The following CCDC14 variants were observed in gnomAD, a reference collection of about 807,000 sequenced individuals.
CCDC14 encodes the protein coiled-coil domain containing 14.
A neutral mutation model predicts 81.4 loss-of-function variants in CCDC14; 71 were observed. The ratio of observed to expected loss-of-function variants is 0.87; its 90% CI spans 0.72 to 1.06. The LOEUF is 1.06. Among genes scored for constraint, CCDC14 ranks in the 50% least tolerant of loss-of-function variants. The pLI is 0.00. For synonymous variants in CCDC14, 332 were observed against 364.8 expected, an observed-to-expected ratio of 0.91 and a Z score of 1.03; for missense variants, 1,046 against 1,047.3, an observed-to-expected ratio of 1.00 and a Z score of 0.02.
At chr3:123,887,467 A>G in the CCDC14 span, among the ~76,000 whole-genome samples, 2 of 61,842 alleles carry the variant, frequency 3.2e-5, no homozygotes, top group Non-Finnish European at 5.6e-5. Flanking sequence ...CTGGGTTGCT[A>G]TAACAACAAC....
At position 123,928,993 on chromosome 3, in the gene CCDC14, T is replaced by C. The variant is rs138197943; in HGVS notation, c.1778+2109A>G. On this transcript the variant is annotated intron_variant, in intron 12 of 12. Coordinates refer to ENST00000409697, the MANE Select transcript of CCDC14 (RefSeq NM_001366335.1). ...AACTTTGAAAAAAATCAAAGTACTT[T>C]ATAAATAAAAGATATCAGCTTGTGA... Among the ~76,000 whole-genome samples, 812 of 152,300 alleles carry C rather than the reference T, an allele frequency of 5.3e-3. 5 individuals are homozygous for C. Among genetic ancestry groups the C allele is most frequent in the African/African-American group, 0.019 (777 of 41,568 alleles).
At chr3:123,953,699 A>T (rs1290854893) in intron 5 of CCDC14, 1 of 152,164 alleles carries the variant, frequency 6.6e-6, no homozygotes, top group African/African-American at 2.4e-5. Flanking sequence ...ATATACACTT[A>T]TTCCTGCTCC....
intron 8 of CCDC14, 30 bp from the exon 9 acceptor site, chr3:123,945,020 C>T (rs1481346437): frequency 6.7e-7 from 1 of 1,501,956 alleles, no homozygotes; most frequent in Non-Finnish European, 9.1e-7. Flanking sequence ...TGAGTAAAAT[C>T]AATATTATAT....
downstream of CCDC14, among the ~76,000 whole-genome samples, chr3:123,896,624 G>A (rs1041429599): frequency 1.3e-5 from 2 of 152,104 alleles, no homozygotes; most frequent in African/African-American, 4.8e-5. Flanking sequence ...TAGTAGAATG[G>A]TAGCTACTAG....
Position 123,915,643 on chromosome 3 carries a change from G to C in CCDC14, c.1854C>G (p.Asn618Lys), listed in dbSNP as rs751977146. The change falls in exon 13 of 13, where the codon AAC becomes AAG. Residue 618 changes from asparagine (N) to lysine (K), a missense_variant. By Grantham distance (94) the Asn-to-Lys change is moderately conservative. Coordinates refer to ENST00000409697, the MANE Select transcript of CCDC14 (RefSeq NM_001366335.1). ...VDSARCKPGN[N>K]LTKSLLNIHD... is the part of the protein sequence containing the mutation. ...GAATGTTCAAGAGTGATTTGGTAAG[G>C]TTATTCCCAGGCTTGCAGCGAGCAC... 5 of 1,613,880 alleles carry C rather than the reference G, an allele frequency of 3.1e-6. No homozygotes were observed. The highest frequency in any genetic ancestry group is 4.2e-6 in the Non-Finnish European group (5 of 1,179,886).
intron 9 of CCDC14, among the ~76,000 whole-genome samples, chr3:123,942,394 A>G (rs1407130214): frequency 6.6e-6 from 1 of 152,060 alleles, no homozygotes; most frequent in East Asian, 1.9e-4. Context: ...TTAAAAATTT[A>G]TGCTGGTAAT....
At chr3:123,930,897 G>T in intron 12 of CCDC14, 1 of 504,750 alleles carries the variant, frequency 2.0e-6, no homozygotes, top group Non-Finnish European at 3.4e-6. Context: ...GAATCACATG[G>T]TTTTAAAAAA....
chr3:123,949,175 A>G (rs1309838484), intron 5 of CCDC14, 43 bp from the exon 6 acceptor site: 1 of 1,254,570 alleles, frequency 8.0e-7, no homozygotes, highest in East Asian at 2.5e-5. Context: ...ATGATTCTTC[A>G]AAAACTTTTA....
intron 9 of CCDC14, among the ~76,000 whole-genome samples, chr3:123,934,596 T>G (rs980307855): frequency 6.6e-6 from 1 of 152,188 alleles, no homozygotes; most frequent in Non-Finnish European, 1.5e-5. Flanking sequence ...GTAACGAGAA[T>G]ATTAACAGGC....
chr3:123,911,613 T>G (rs764654396), downstream of CCDC14, among the ~76,000 whole-genome samples: 10 of 152,200 alleles, frequency 6.6e-5, no homozygotes, highest in Non-Finnish European at 1.2e-4. Flanking sequence ...TATATGTTCC[T>G]TTGCTTGTGT....
At chr3:123,894,529 T>C (rs2034032826), downstream of CCDC14, among the ~76,000 whole-genome samples, 1 of 152,252 alleles carries the variant, frequency 6.6e-6, no homozygotes, top group African/African-American at 2.4e-5. Flanking sequence ...ATTGAATCTG[T>C]AGATCACTTT....
At chr3:123,896,063 G>A (rs995807482), downstream of CCDC14, among the ~76,000 whole-genome samples, 5 of 152,274 alleles carry the variant, frequency 3.3e-5, no homozygotes, top group African/African-American at 9.6e-5. Flanking sequence ...GTGGTGCTAC[G>A]GTTTGAATAT....
At chr3:123,894,930 C>T (rs1035749396), downstream of CCDC14, among the ~76,000 whole-genome samples, 64 of 152,312 alleles carry the variant, frequency 4.2e-4, no homozygotes, top group African/African-American at 1.5e-3. Context: ...TTCCCCTAAA[C>T]TCTGGCTAGT....
chr3:123,895,515 G>T (rs1256926917), downstream of CCDC14, among the ~76,000 whole-genome samples: 2 of 152,160 alleles, frequency 1.3e-5, no homozygotes, highest in African/African-American at 2.4e-5. Flanking sequence ...CACTTGCAGA[G>T]CTTTAAACAA....
chr3:123,920,603 TC>T (rs1361803412), intron 12 of CCDC14, among the ~76,000 whole-genome samples: 1 of 152,300 alleles, frequency 6.6e-6, no homozygotes, highest in East Asian at 1.9e-4. Flanking sequence ...AGCAAAACTG[TC>T]CAGAAATGAG....
chr3:123,946,198 T>C (rs991576338), intron 8 of CCDC14, among the ~76,000 whole-genome samples: 1 of 151,862 alleles, frequency 6.6e-6, no homozygotes. Flanking sequence ...AATTACTGTG[T>C]TTCCAAGATG....
chr3:123,887,492 A>AAAAC, the CCDC14 span, among the ~76,000 whole-genome samples: 6 of 151,140 alleles, frequency 4.0e-5, no homozygotes, highest in East Asian at 1.9e-4. Context: ...AAAAAAAAAA[A>AAAAC]CACAAAATAA....
chr3:123,946,977 C>T lies in CCDC14; in HGVS notation c.1027G>A (p.Ala343Thr). 6.2e-7 allele frequency: 1 copy of T among 1,613,954 alleles called. No homozygotes were observed. The highest frequency in any genetic ancestry group is 8.5e-7 in the Non-Finnish European group (1 of 1,179,854). The change falls in exon 8 of 13, where the codon GCC becomes ACC. Residue 343 changes from alanine (A) to threonine (T), a missense_variant. Ala to Thr is a moderately conservative substitution (Grantham distance 58, BLOSUM62 0). Coordinates refer to ENST00000409697, the MANE Select transcript of CCDC14 (RefSeq NM_001366335.1). ...GTGGCCTCTCTAATTTGCTCTCTGG[C>T]ACATTTTTCTTCATTAGTGGCCAAG... The part of the protein sequence containing the change: ...AFLATNEEKC[A>T]REQIREATSE...
At chr3:123,951,133 G>T (rs1559803289) in intron 5 of CCDC14, among the ~76,000 whole-genome samples, 1 of 151,988 alleles carries the variant, frequency 6.6e-6, no homozygotes, top group Non-Finnish European at 1.5e-5. Context: ...AACTTCTCTT[G>T]ACCTGTTTTT....
Sources: gnomAD v4.1 joint callset for allele counts (sites outside exome capture counted in the v4.1 genomes callset) on GRCh38, gnomAD v4.1.1 for gene constraint, MANE v1.5 for transcripts, NCBI Gene and HGNC (gene_info 2026-07-23, HGNC 2026-07-21) for gene names.